The following NKAIN2 variants were observed in gnomAD, a reference collection of about 807,000 sequenced individuals.
NKAIN2 encodes the protein sodium/potassium-transporting ATPase subunit beta-1-interacting protein 2.
Under a neutral mutation model 32.6 loss-of-function variants are expected in NKAIN2, and 14 were observed. The observed-to-expected ratio is 0.43, with a 90% CI of 0.28 to 0.67. The LOEUF (loss-of-function observed/expected upper bound fraction) is 0.67, where lower values mean the gene tolerates loss of function less well. Ranked by LOEUF, NKAIN2 falls within the 30% of genes least tolerant of loss-of-function variation. The pLI, the probability that NKAIN2 is intolerant of heterozygous loss-of-function variation, is 0.17. For synonymous variants in NKAIN2, 80 were observed against 87.2 expected (o/e 0.92, Z 0.46); for missense variants, 198 against 258.3 (o/e 0.77, Z 1.60).
intron 3 of NKAIN2, among the ~76,000 whole-genome samples, chr6:124,435,054 C>G (rs191301904): frequency 6.6e-6 from 1 of 152,086 alleles, no homozygotes; most frequent in Admixed American, 6.6e-5. Flanking sequence ...CAGAAAATCA[C>G]AAATATTTTG....
intron 3 of NKAIN2, among the ~76,000 whole-genome samples, chr6:124,534,433 G>A (rs1035435822): frequency 7.6e-4 from 115 of 152,314 alleles, no homozygotes; most frequent in African/African-American, 2.7e-3. Context: ...TTACAGGTGT[G>A]AGCCACCATG....
intron 1 of NKAIN2, among the ~76,000 whole-genome samples, chr6:124,024,739 A>G (rs1196242127): frequency 6.6e-6 from 1 of 152,162 alleles, no homozygotes; most frequent in African/African-American, 2.4e-5. Flanking sequence ...CTGTAATCCC[A>G]GCACTTTGGG....
chr6:124,145,800 T>TG (rs1405090726), intron 1 of NKAIN2, among the ~76,000 whole-genome samples: 1 of 152,074 alleles, frequency 6.6e-6, no homozygotes, highest in African/African-American at 2.4e-5. Flanking sequence ...CCACCAAGCC[T>TG]GGCCTGACAA....
At chr6:124,197,438 C>T (rs1446729567) in intron 1 of NKAIN2, among the ~76,000 whole-genome samples, 1 of 152,108 alleles carries the variant, frequency 6.6e-6, no homozygotes, top group Non-Finnish European at 1.5e-5. Context: ...TGTATTATGA[C>T]TACAACTTTC....
chr6:124,716,097 T>C (rs1016771932), intron 4 of NKAIN2, among the ~76,000 whole-genome samples: 4 of 152,230 alleles, frequency 2.6e-5, no homozygotes, highest in African/African-American at 9.6e-5. Flanking sequence ...TATTAAAAGA[T>C]ACACAGAGAA....
chr6:124,637,047 A>T (rs1310538241), intron 3 of NKAIN2, among the ~76,000 whole-genome samples: 1 of 152,094 alleles, frequency 6.6e-6, no homozygotes, highest in Non-Finnish European at 1.5e-5. Context: ...ATGATAATCA[A>T]GTAAGATTTA....
At chr6:124,770,110 C>T (rs1196777290) in intron 4 of NKAIN2, among the ~76,000 whole-genome samples, 1 of 152,134 alleles carries the variant, frequency 6.6e-6, no homozygotes, top group Non-Finnish European at 1.5e-5. Flanking sequence ...AAATAGAGTA[C>T]ATATTTGCTT....
intron 1 of NKAIN2, among the ~76,000 whole-genome samples, chr6:123,806,384 G>C (rs1773214747): frequency 6.6e-6 from 1 of 151,932 alleles, no homozygotes; most frequent in African/African-American, 2.4e-5. Context: ...AAAAACAAAG[G>C]ACAAAGAAAA....
chr6:124,170,516 G>A (rs1160893516), intron 1 of NKAIN2, among the ~76,000 whole-genome samples: 1 of 152,176 alleles, frequency 6.6e-6, no homozygotes, highest in Non-Finnish European at 1.5e-5. Flanking sequence ...AATGGCTAGA[G>A]TTGGACAATG....
At chr6:124,753,468 T>G (rs79343302) in intron 4 of NKAIN2, among the ~76,000 whole-genome samples, 1,538 of 152,218 alleles carry the variant, frequency 0.01, 16 homozygotes, top group African/African-American at 0.035. Flanking sequence ...ACACTAAGAT[T>G]CTTTTTTCAT....
intron 3 of NKAIN2, among the ~76,000 whole-genome samples, chr6:124,526,870 A>G (rs632286): frequency 0.75 from 113,972 of 152,068 alleles, 46,069 homozygotes; most frequent in Non-Finnish European, 0.91. Flanking sequence ...GTTAATATAT[A>G]GTAATAAACT....
intron 1 of NKAIN2, among the ~76,000 whole-genome samples, chr6:123,922,613 A>T (rs554086691): frequency 6.6e-6 from 1 of 152,212 alleles, no homozygotes; most frequent in Admixed American, 6.5e-5. Flanking sequence ...AAATTTTAGA[A>T]TTATGTGCAA....
Position 123,925,363 on chromosome 6 carries a change from T to G in NKAIN2, c.54+121109T>G, listed in dbSNP as rs1394561496. 4.6e-5 allele frequency among the ~76,000 whole-genome samples: 7 copies of G among 152,204 alleles called. No homozygotes were observed. In the East Asian group the frequency reaches 1.2e-3, roughly 25 times the overall value. On this transcript the variant is annotated intron_variant, in intron 1 of 6. Coordinates refer to ENST00000368417, the MANE Select transcript of NKAIN2 (RefSeq NM_001040214.3). ...GGATCTGGAAACACTAGCAGTATTT[T>G]TGAAATGTCCAAGGGCTATAAAACA...
At position 123,831,649 on chromosome 6, in the gene NKAIN2, G is replaced by GTT. The variant is rs200958969; in HGVS notation, c.54+27405_54+27406dup. ...ACATCAGAGTGGTACCTTTGTTACA[G>GTT]TTTTTTTTTTTGTTTTTTTTTTTTG... On this transcript the variant is annotated intron_variant, in intron 1 of 6. Transcript: ENST00000368417. Among the ~76,000 whole-genome samples the GTT allele has an allele frequency of 2.5e-3, 351 of 140,232 alleles. 2 individuals are homozygous for GTT. Among genetic ancestry groups the GTT allele is most frequent in the Middle Eastern group, 7.4e-3 (2 of 270 alleles). The allele number at this position is 140,232 out of a possible 152,430, so 92.0% of individuals were successfully genotyped here.
intron 3 of NKAIN2, among the ~76,000 whole-genome samples, chr6:124,638,154 C>T (rs1049720910): frequency 6.6e-6 from 1 of 152,118 alleles, no homozygotes; most frequent in Non-Finnish European, 1.5e-5. Context: ...CAAGAACATA[C>T]ATTGGAGAAA....
At chr6:124,676,505 A>T (rs778470087) in intron 4 of NKAIN2, among the ~76,000 whole-genome samples, 24 of 152,110 alleles carry the variant, frequency 1.6e-4, no homozygotes, top group Non-Finnish European at 2.8e-4. Flanking sequence ...GAGTGCTCTG[A>T]TGTTGGATGC....
chr6:124,576,593 C>T (rs1781343583), intron 3 of NKAIN2, among the ~76,000 whole-genome samples: 1 of 152,058 alleles, frequency 6.6e-6, no homozygotes, highest in African/African-American at 2.4e-5. Context: ...CTGCACAGCT[C>T]AGTGAACCAA....
At chr6:124,278,403 CT>C (rs1312971935) in intron 1 of NKAIN2, among the ~76,000 whole-genome samples, 4 of 151,834 alleles carry the variant, frequency 2.6e-5, no homozygotes, top group Non-Finnish European at 5.9e-5. Context: ...ACAGATGCTT[CT>C]GATGAACATT....
At chr6:124,819,588 A>G (rs773786254) in intron 6 of NKAIN2, among the ~76,000 whole-genome samples, 49 of 152,244 alleles carry the variant, frequency 3.2e-4, no homozygotes, top group Non-Finnish European at 1.9e-4. Context: ...TGACCTGTTA[A>G]GTTTTTCGGT....
Sources: gnomAD v4.1 joint callset for allele counts (sites outside exome capture counted in the v4.1 genomes callset) on GRCh38, gnomAD v4.1.1 for gene constraint, MANE v1.5 for transcripts, NCBI Gene and HGNC (gene_info 2026-07-23, HGNC 2026-07-21) for gene names.